Variants in ROBO2 observed in about 807,000 individuals in gnomAD.
ROBO2 encodes the protein roundabout homolog 2.
In ROBO2, 53 loss-of-function variants were observed where a neutral mutation model predicts 160.8. The ratio of observed to expected loss-of-function variants is 0.33; its 90% CI spans 0.26 to 0.41. The LOEUF is 0.41. Among genes scored for constraint, ROBO2 ranks in the 10% least tolerant of loss-of-function variants. The pLI is 1.00. For missense variants in ROBO2, 1,577 were observed against 1,722.4 expected (o/e 0.92, Z 1.49); for synonymous variants, 664 against 611.7 (o/e 1.09, Z -1.26).
chr3:76,366,911 T>G (rs2075842984), intron 2 of ROBO2, among the ~76,000 whole-genome samples: 1 of 151,984 alleles, frequency 6.6e-6, no homozygotes, highest in African/African-American at 2.4e-5. Flanking sequence ...GCAATAAAAA[T>G]TATAACCAAA....
chr3:76,127,461 A>G (rs1481639574), intron 2 of ROBO2, among the ~76,000 whole-genome samples: 3 of 152,092 alleles, frequency 2.0e-5, no homozygotes, highest in Non-Finnish European at 2.9e-5. Flanking sequence ...TCTAACTTAT[A>G]TAATTTTCTA....
At chr3:76,675,351 A>G (rs1174294484) in intron 2 of ROBO2, among the ~76,000 whole-genome samples, 3 of 152,182 alleles carry the variant, frequency 2.0e-5, no homozygotes. Context: ...ACTCGAAGCA[A>G]TTTACATACT....
intron 2 of ROBO2, among the ~76,000 whole-genome samples, chr3:76,141,440 T>C (rs910735799): frequency 6.6e-6 from 1 of 150,714 alleles, no homozygotes; most frequent in African/African-American, 2.4e-5. Context: ...CCGAATATAA[T>C]TTTTTAATGA....
At chr3:76,412,678 A>T (rs1296489038) in intron 2 of ROBO2, among the ~76,000 whole-genome samples, 3 of 152,220 alleles carry the variant, frequency 2.0e-5, no homozygotes, top group Non-Finnish European at 4.4e-5. Context: ...GGTCATGCTG[A>T]TGGAAGCGGT....
At chr3:75,933,913 T>C (rs1314516949) in intron 1 of ROBO2, among the ~76,000 whole-genome samples, 1 of 152,172 alleles carries the variant, frequency 6.6e-6, no homozygotes, top group East Asian at 1.9e-4. Context: ...TACCTGTAGA[T>C]GTAATGCATC....
At chr3:77,632,653 A>T in intron 23 of ROBO2, 2 of 1,534,022 alleles carry the variant, frequency 1.3e-6, no homozygotes, top group Non-Finnish European at 1.7e-6. Flanking sequence ...CCTTACAAGA[A>T]CAGGTTGGTA....
chr3:76,665,256 T>A (rs2091974487), intron 2 of ROBO2, among the ~76,000 whole-genome samples: 1 of 152,072 alleles, frequency 6.6e-6, no homozygotes, highest in Admixed American at 6.6e-5. Context: ...AACATCCAAC[T>A]AACAAAAAAT....
chr3:77,280,765 T>A (rs116124008), intron 2 of ROBO2, among the ~76,000 whole-genome samples: 1,548 of 152,322 alleles, frequency 0.01, 23 homozygotes, highest in African/African-American at 0.036. Context: ...CCTTCAGAAA[T>A]TTGCCATGGT....
chr3:76,658,028 C>T (rs540980894), intron 2 of ROBO2, among the ~76,000 whole-genome samples: 3 of 145,698 alleles, frequency 2.1e-5, no homozygotes, highest in South Asian at 4.3e-4. Context: ...TATTATGCCA[C>T]GGCACTCCAG....
At chr3:77,211,376 A>G (rs2084131659) in intron 2 of ROBO2, among the ~76,000 whole-genome samples, 1 of 152,216 alleles carries the variant, frequency 6.6e-6, no homozygotes, top group South Asian at 2.1e-4. Context: ...TTTTGGCTGC[A>G]TAAATGTCTT....
intron 2 of ROBO2, among the ~76,000 whole-genome samples, chr3:77,391,606 G>A (rs550872445): frequency 6.6e-6 from 1 of 152,070 alleles, no homozygotes; most frequent in Non-Finnish European, 1.5e-5. Context: ...AACTCCCACT[G>A]AGTCTCTCTC....
chr3:77,133,941 T>G (rs2076068847), intron 2 of ROBO2, among the ~76,000 whole-genome samples: 1 of 152,216 alleles, frequency 6.6e-6, no homozygotes, highest in Admixed American at 6.5e-5. Context: ...AAGTTTATTC[T>G]GTTTTATTTC....
At chr3:76,685,415 T>A (rs1185301740) in intron 2 of ROBO2, among the ~76,000 whole-genome samples, 4 of 152,152 alleles carry the variant, frequency 2.6e-5, no homozygotes, top group Admixed American at 6.6e-5. Flanking sequence ...ACAAGAGTTT[T>A]AAATTATTGA....
At chr3:76,783,506 G>A (rs1239607045) in intron 2 of ROBO2, among the ~76,000 whole-genome samples, 1 of 144,098 alleles carries the variant, frequency 6.9e-6, no homozygotes, top group Non-Finnish European at 1.5e-5. Flanking sequence ...TTGTTTGGTA[G>A]TTTCTTTCTT....
intron 2 of ROBO2, among the ~76,000 whole-genome samples, chr3:76,585,597 A>T (rs939110481): frequency 9.2e-5 from 14 of 152,190 alleles, no homozygotes; most frequent in African/African-American, 3.4e-4. Context: ...AGAACAACTG[A>T]TATAATCCAT....
At chr3:76,273,748 GA>G (rs1436285793) in intron 2 of ROBO2, among the ~76,000 whole-genome samples, 3 of 152,158 alleles carry the variant, frequency 2.0e-5, no homozygotes, top group Non-Finnish European at 4.4e-5. Flanking sequence ...CCGCCCCTGT[GA>G]TTCAATGATC....
chr3:76,187,872 A>G (rs376305469), intron 2 of ROBO2, among the ~76,000 whole-genome samples: 5 of 152,154 alleles, frequency 3.3e-5, no homozygotes, highest in African/African-American at 4.8e-5. Flanking sequence ...GTTAAAACCT[A>G]TCAAAAGAAC....
chr3:77,543,810 T>C (rs1434603858), intron 6 of ROBO2, among the ~76,000 whole-genome samples: 1 of 152,188 alleles, frequency 6.6e-6, no homozygotes, highest in African/African-American at 2.4e-5. Context: ...CTAACTACTT[T>C]TGTGAGGTAA....
chr3:77,122,490 G>A (rs2074879726), intron 2 of ROBO2, among the ~76,000 whole-genome samples: 1 of 152,150 alleles, frequency 6.6e-6, no homozygotes, highest in African/African-American at 2.4e-5. Context: ...TTGCTTTTGT[G>A]TGGATTAAAA....
Sources: allele counts gnomAD v4.1 joint callset (sites outside exome capture counted in the v4.1 genomes callset), GRCh38; gene constraint gnomAD v4.1.1; transcripts MANE v1.5; gene names NCBI Gene and HGNC (gene_info 2026-07-23, HGNC 2026-07-21).